The following PIN4 variants were observed in gnomAD, a reference collection of about 807,000 sequenced individuals.
PIN4 encodes the protein peptidyl-prolyl cis-trans isomerase NIMA-interacting 4.
In PIN4, 3 loss-of-function variants were observed where a neutral mutation model predicts 8.3. That is an observed-to-expected ratio of 0.36 (90% confidence interval 0.16 to 0.93). The LOEUF (loss-of-function observed/expected upper bound fraction) is 0.93, where lower values mean the gene tolerates loss of function less well. PIN4 is among the 40% of genes least tolerant of loss of function. The pLI is 0.44. For missense variants in PIN4, 75 were observed against 100.6 expected, an observed-to-expected ratio of 0.75 and a Z score of 1.09; for synonymous variants, 18 against 32.5, an observed-to-expected ratio of 0.55 and a Z score of 1.52.
chrX:72,257,181 C>T (rs1443967392), intron 3 of PIN4, among the ~76,000 whole-genome samples: 2 of 111,008 alleles, frequency 1.8e-5, no homozygotes, highest in Non-Finnish European at 3.8e-5. Flanking sequence ...ATTAGCCGGG[C>T]GTGGTGGCAT....
At chrX:72,184,274 A>G (rs1246048457) in intron 1 of PIN4, among the ~76,000 whole-genome samples, 1 of 111,831 alleles carries the variant, frequency 8.9e-6, no homozygotes, top group Non-Finnish European at 1.9e-5. Context: ...ATGTAGCAGG[A>G]CGAAGGGACT....
intron 3 of PIN4, among the ~76,000 whole-genome samples, chrX:72,260,994 C>CT (rs983586602): frequency 2.7e-5 from 3 of 111,922 alleles, no homozygotes; most frequent in African/African-American, 9.7e-5. Context: ...CCAGAGAGAG[C>CT]TTTTTAAATT....
At chrX:72,226,931 T>C (rs2042957378) in intron 3 of PIN4, among the ~76,000 whole-genome samples, 1 of 111,638 alleles carries the variant, frequency 9.0e-6, no homozygotes, top group Admixed American at 9.6e-5. Context: ...AGCTCCCATA[T>C]ACACATAACC....
intron 3 of PIN4, among the ~76,000 whole-genome samples, chrX:72,221,310 T>A (rs1427150213): frequency 1.8e-5 from 2 of 111,946 alleles, no homozygotes; most frequent in African/African-American, 6.5e-5. Flanking sequence ...TTTCTCACGG[T>A]ACCAGGAAAA....
chrX:72,182,399 G>A (rs1465481462), intron 1 of PIN4, among the ~76,000 whole-genome samples: 2 of 110,824 alleles, frequency 1.8e-5, no homozygotes, highest in Non-Finnish European at 1.9e-5. Flanking sequence ...AAATTCGCCA[G>A]GCGTGGTGGT....
chrX:72,196,722 C>A (rs1163270083), intron 2 of PIN4, 63 bp from the exon 3 acceptor site: 11 of 1,005,092 alleles, frequency 1.1e-5, no homozygotes, highest in Non-Finnish European at 1.5e-5. Flanking sequence ...CAAATGTAAC[C>A]ACTGTACTTT....
At chrX:72,195,610 C>T (rs1206184244) in intron 2 of PIN4, among the ~76,000 whole-genome samples, 2 of 110,529 alleles carry the variant, frequency 1.8e-5, no homozygotes, top group Non-Finnish European at 3.8e-5. Flanking sequence ...CACTGCACTC[C>T]AGCCTGGGCA....
chrX:72,205,943 G>A, intron 3 of PIN4: 2 of 1,211,226 alleles, frequency 1.7e-6, no homozygotes, highest in Non-Finnish European at 2.2e-6. Flanking sequence ...GATGCTGAAG[G>A]TTCCTCTTCC....
At chrX:72,207,521 G>A (rs1236484804) in intron 3 of PIN4, 1 of 1,211,127 alleles carries the variant, frequency 8.3e-7, no homozygotes, top group African/African-American at 1.7e-5. Context: ...GCAGACAGCA[G>A]CCTAGGATGA....
chrX:72,186,612 T>G, intron 2 of PIN4, 78 bp downstream of exon 2: 1 of 648,880 alleles, frequency 1.5e-6, no homozygotes, highest in Admixed American at 2.8e-5. Flanking sequence ...GACAGAATGC[T>G]TAACTCATTC....
chrX:72,251,086 G>A (rs1453372287), intron 3 of PIN4, among the ~76,000 whole-genome samples: 4 of 105,239 alleles, frequency 3.8e-5, no homozygotes, highest in African/African-American at 1.0e-4. Context: ...GGCCGGGTGC[G>A]GTGGCTCACG....
rs146387978 is a variant in PIN4, at chrX:72,250,333, G to A, written c.313-12374G>A. Among the ~76,000 whole-genome samples, 6 of 110,209 alleles carry A rather than the reference G, an allele frequency of 5.4e-5. No homozygotes were observed. The East Asian group carries it at 8.5e-4, about 16-fold the overall frequency. ...AAAAATCAGCCGGGCATGGTGGTAC[G>A]TGCCTATAGTCCCAGCTACTCAGGT... On this transcript the variant is annotated intron_variant, in intron 3 of 3. Transcript: ENST00000423432.
chrX:72,181,783 A>C lies in PIN4; in HGVS notation c.-3A>C. On this transcript the variant is annotated 5_prime_UTR_variant, in exon 1 of 4. Transcript: ENST00000373669. ...GTTCAGCGTTCAACAACAAGCTTCC[A>C]AGATGCCGCCCAAAGGAAAAAGTGG... 1 of 1,199,782 alleles carries C rather than the reference A, an allele frequency of 8.3e-7. No homozygotes were observed. Among genetic ancestry groups the C allele is most frequent in the Non-Finnish European group, 1.1e-6 (1 of 885,303 alleles).
intron 3 of PIN4, among the ~76,000 whole-genome samples, chrX:72,261,498 C>T (rs1434622979): frequency 6.3e-5 from 7 of 111,338 alleles, no homozygotes; most frequent in East Asian, 2.8e-4. Context: ...CATTTCATAG[C>T]GAATGCGACT....
intron 2 of PIN4, among the ~76,000 whole-genome samples, chrX:72,193,168 T>G (rs1477222080): frequency 8.9e-6 from 1 of 111,815 alleles, no homozygotes; most frequent in Admixed American, 9.5e-5. Flanking sequence ...CTGTCTAAAC[T>G]AGAATACTCG....
rs1602460121 is a variant in PIN4 at position 72,248,934 on chromosome X, G to A, written c.313-13773G>A. ...AATCCTCAGGCAAAATTGCTAGGGG[G>A]TAAGTTTGAGGACTTGCAAAAGTAG... On this transcript the variant is annotated intron_variant, in intron 3 of 3. Coordinates refer to the PIN4 transcript ENST00000423432. Among the ~76,000 whole-genome samples, 4 of 111,640 alleles carry A rather than the reference G, an allele frequency of 3.6e-5. No homozygotes were observed. In the South Asian group the frequency reaches 1.1e-3, roughly 31 times the overall value.
intron 3 of PIN4, among the ~76,000 whole-genome samples, chrX:72,236,318 A>G (rs372341776): frequency 9.1e-6 from 1 of 110,384 alleles, no homozygotes; most frequent in South Asian, 3.9e-4. Context: ...TTTTTTTCTG[A>G]GACGGAGTCT....
intron 3 of PIN4, among the ~76,000 whole-genome samples, chrX:72,241,572 C>G (rs1367524733): frequency 8.9e-6 from 1 of 112,457 alleles, no homozygotes; most frequent in East Asian, 2.8e-4. Flanking sequence ...GCCTGTAATC[C>G]CGCCCTTTGG....
intron 2 of PIN4, among the ~76,000 whole-genome samples, chrX:72,195,256 A>G (rs1202839845): frequency 8.9e-6 from 1 of 112,026 alleles, no homozygotes; most frequent in Non-Finnish European, 1.9e-5. Flanking sequence ...TGAATACTTC[A>G]GTAGGGTTGG....
Sources: allele counts gnomAD v4.1 joint callset (sites outside exome capture counted in the v4.1 genomes callset), GRCh38; gene constraint gnomAD v4.1.1; transcripts MANE v1.5; gene names NCBI Gene and HGNC (gene_info 2026-07-23, HGNC 2026-07-21).